HDAC8: variants seen among roughly 807,000 people sequenced by gnomAD.
HDAC8 encodes the protein histone deacetylase-like 1.
In HDAC8, 1 loss-of-function variant was observed where a neutral mutation model predicts 32.2. The observed-to-expected ratio is 0.03, with a 90% confidence interval of 0.01 to 0.15. HDAC8 has a LOEUF of 0.15. Ranked by LOEUF, HDAC8 falls within the 10% of genes least tolerant of loss-of-function variation. The pLI, the probability that HDAC8 is intolerant of heterozygous loss-of-function variation, is 1.00. For synonymous variants in HDAC8, 108 were observed against 113.9 expected (o/e 0.95, Z 0.33); for missense variants, 117 against 300.0 (o/e 0.39, Z 4.51).
chrX:72,331,089 G>C (rs782717668), intron 10 of HDAC8, among the ~76,000 whole-genome samples: 31 of 107,370 alleles, frequency 2.9e-4, no homozygotes, highest in Middle Eastern at 4.7e-3. Flanking sequence ...TATGACTACA[G>C]GTGTGTGCCA....
At chrX:72,456,268 G>A (rs2047714166) in intron 9 of HDAC8, among the ~76,000 whole-genome samples, 1 of 111,393 alleles carries the variant, frequency 9.0e-6, no homozygotes, top group Non-Finnish European at 1.9e-5. Flanking sequence ...GCTAATATAT[G>A]CTGGATTTAT....
At chrX:72,530,394 G>A (rs1190115531) in intron 4 of HDAC8, among the ~76,000 whole-genome samples, 1 of 108,810 alleles carries the variant, frequency 9.2e-6, no homozygotes. Context: ...AATTCTGATA[G>A]CAATTATAAT....
chrX:72,505,793 AT>A (rs1357612278), intron 4 of HDAC8, among the ~76,000 whole-genome samples: 3 of 111,136 alleles, frequency 2.7e-5, no homozygotes, highest in Non-Finnish European at 5.7e-5. Flanking sequence ...AAAAAAAAAA[AT>A]TAGATAATTG....
At chrX:72,496,471 A>G (rs1288500389) in intron 4 of HDAC8, among the ~76,000 whole-genome samples, 2 of 111,377 alleles carry the variant, frequency 1.8e-5, no homozygotes, top group Non-Finnish European at 3.8e-5. Flanking sequence ...CAATTAAAGA[A>G]AAAGATTTCT....
intron 9 of HDAC8, among the ~76,000 whole-genome samples, chrX:72,363,659 C>T (rs908726401): frequency 3.6e-5 from 4 of 111,082 alleles, no homozygotes; most frequent in Non-Finnish European, 7.6e-5. Context: ...ACAACCTCCG[C>T]CTCCCAGGTT....
intron 9 of HDAC8, among the ~76,000 whole-genome samples, chrX:72,401,316 C>A (rs1487925385): frequency 8.9e-6 from 1 of 111,969 alleles, no homozygotes; most frequent in Admixed American, 9.4e-5. Flanking sequence ...CTCACTGCAA[C>A]CTCAACCTCC....
In HDAC8 at chrX:72,337,859, C is replaced by G. The variant is rs139471577; in HGVS notation, c.1112-7783G>C. 6.2e-4 allele frequency among the ~76,000 whole-genome samples: 70 copies of G among 112,218 alleles called. 1 individual carries two copies. The East Asian group carries it at 0.014, about 22-fold the overall frequency. The stretch of plus-strand genomic sequence containing the variant: ...GCTCACTTGAGTCTTCTTTGTGTGG[C>G]TTGAGCACAGAAATCATTTTTCCCT... On this transcript the variant is annotated intron_variant, in intron 10 of 10. Transcript: ENST00000373573.
intron 9 of HDAC8, among the ~76,000 whole-genome samples, chrX:72,377,795 C>A (rs1166092951): frequency 9.0e-6 from 1 of 111,398 alleles, no homozygotes; most frequent in East Asian, 2.8e-4. Flanking sequence ...AATGTTTAAT[C>A]ATTTACATTT....
chrX:72,332,754 C>A (rs1238905221), intron 10 of HDAC8, among the ~76,000 whole-genome samples: 1 of 110,676 alleles, frequency 9.0e-6, no homozygotes, highest in Non-Finnish European at 1.9e-5. Context: ...TGGGTTCAAG[C>A]GATTCTCCTA....
intron 10 of HDAC8, among the ~76,000 whole-genome samples, chrX:72,337,720 C>A (rs1175854589): frequency 9.0e-6 from 1 of 111,407 alleles, no homozygotes; most frequent in Non-Finnish European, 1.9e-5. Flanking sequence ...TTAGGACAGA[C>A]CACATCACTC....
At chrX:72,419,519 G>A (rs2046429120) in intron 9 of HDAC8, among the ~76,000 whole-genome samples, 1 of 111,646 alleles carries the variant, frequency 9.0e-6, no homozygotes, top group Non-Finnish European at 1.9e-5. Flanking sequence ...AAATGTTTGT[G>A]CTATAAAAGA....
At chrX:72,476,521 C>T (rs1271760430) in intron 7 of HDAC8, among the ~76,000 whole-genome samples, 2 of 111,355 alleles carry the variant, frequency 1.8e-5, no homozygotes, top group Non-Finnish European at 3.8e-5. Flanking sequence ...GACCAAATGT[C>T]TCATCTGTCC....
intron 9 of HDAC8, among the ~76,000 whole-genome samples, chrX:72,429,447 C>T (rs186421217): frequency 1.0e-3 from 117 of 111,868 alleles, no homozygotes; most frequent in Non-Finnish European, 1.8e-3. Flanking sequence ...CTAAAGCAGC[C>T]GGTAAATTCC....
In HDAC8 at chrX:72,397,610, C is replaced by A. The variant is rs1384677618; in HGVS notation, c.1006-45772G>T. Among the ~76,000 whole-genome samples the A allele has an allele frequency of 4.5e-5, 5 of 111,641 alleles. No individual in the cohort carries two copies. In the East Asian group the frequency reaches 1.4e-3, roughly 32 times the overall value. On this transcript the variant is annotated intron_variant, in intron 9 of 10. Coordinates refer to ENST00000373573, the MANE Select transcript of HDAC8 (RefSeq NM_018486.3). Reference sequence around the variant, plus strand: ...TTCCTCCACCCTAGAGGTACCCTGCCTTTCTCCCAGAGGAAGCCACTATTG... The same window carrying A: ...TTCCTCCACCCTAGAGGTACCCTGCATTTCTCCCAGAGGAAGCCACTATTG...
At chrX:72,356,008 G>A (rs782380853) in intron 9 of HDAC8, among the ~76,000 whole-genome samples, 9 of 112,293 alleles carry the variant, frequency 8.0e-5, no homozygotes, top group African/African-American at 1.3e-4. Context: ...CTTATTATGT[G>A]TCAGGCACCT....
At chrX:72,544,095 C>A (rs1372604404) in intron 4 of HDAC8, among the ~76,000 whole-genome samples, 1 of 112,266 alleles carries the variant, frequency 8.9e-6, no homozygotes, top group Admixed American at 9.4e-5. Context: ...TGCGAGTATG[C>A]CCTGGCTGGT....
intron 9 of HDAC8, among the ~76,000 whole-genome samples, chrX:72,441,799 C>A (rs375828505): frequency 5.4e-5 from 6 of 111,175 alleles, no homozygotes; most frequent in Non-Finnish European, 1.1e-4. Context: ...AAAATTTAGA[C>A]GAATGTATAA....
chrX:72,458,186 T>G (rs1193177248), intron 9 of HDAC8, among the ~76,000 whole-genome samples: 3 of 112,497 alleles, frequency 2.7e-5, no homozygotes, highest in African/African-American at 9.7e-5. Flanking sequence ...TCTGGGCCAA[T>G]CATACATACA....
chrX:72,360,345 A>T (rs1381724684), intron 9 of HDAC8, among the ~76,000 whole-genome samples: 1 of 106,090 alleles, frequency 9.4e-6, no homozygotes, highest in Non-Finnish European at 1.9e-5. Flanking sequence ...ACAGAGCGAG[A>T]CTCCGTCAAA....
Sources: allele counts gnomAD v4.1 joint callset (sites outside exome capture counted in the v4.1 genomes callset), GRCh38; gene constraint gnomAD v4.1.1; transcripts MANE v1.5; gene names NCBI Gene and HGNC (gene_info 2026-07-23, HGNC 2026-07-21).